Variants in PPP3CC observed in about 807,000 individuals in gnomAD.
PPP3CC encodes serine/threonine-protein phosphatase 2B catalytic subunit gamma isoform.
Under a neutral mutation model 60.3 loss-of-function variants are expected in PPP3CC, and 35 were observed. The observed-to-expected ratio is 0.58, with a 90% CI of 0.44 to 0.77. PPP3CC has a LOEUF of 0.77. PPP3CC is among the 30% of genes least tolerant of loss of function. The probability of loss-of-function intolerance (pLI) is 0.00; values close to 1 mark genes in which losing one functional copy is unlikely to be tolerated. For missense variants in PPP3CC, 570 were observed against 628.9 expected, an observed-to-expected ratio of 0.91 and a Z score of 1.00; for synonymous variants, 206 against 224.3, an observed-to-expected ratio of 0.92 and a Z score of 0.73.
chr8:22,500,261 G>T (rs1428418954), intron 4 of PPP3CC, among the ~76,000 whole-genome samples: 1 of 152,034 alleles, frequency 6.6e-6, no homozygotes, highest in African/African-American at 2.4e-5. Flanking sequence ...TAAAATTTTA[G>T]CATATTCTCT....
chr8:22,459,511 A>T (rs1351366598), intron 1 of PPP3CC, among the ~76,000 whole-genome samples: 1 of 151,744 alleles, frequency 6.6e-6, no homozygotes, highest in Non-Finnish European at 1.5e-5. Context: ...TTTATCTAGA[A>T]TTGTGTAAAA....
intron 1 of PPP3CC, among the ~76,000 whole-genome samples, chr8:22,458,476 T>C (rs980107006): frequency 1.3e-5 from 2 of 151,896 alleles, no homozygotes; most frequent in Non-Finnish European, 2.9e-5. Context: ...TTCTCAACTG[T>C]AATCCTAGCT....
At chr8:22,485,608 A>G (rs1452001111) in intron 3 of PPP3CC, among the ~76,000 whole-genome samples, 2 of 152,192 alleles carry the variant, frequency 1.3e-5, no homozygotes, top group Admixed American at 6.5e-5. Flanking sequence ...ACCTTGTACT[A>G]TAGTTCCAAT....
chr8:22,467,075 T>C (rs1369646027), intron 1 of PPP3CC, among the ~76,000 whole-genome samples: 2 of 152,256 alleles, frequency 1.3e-5, no homozygotes, highest in Admixed American at 1.3e-4. Flanking sequence ...AAATAAAATG[T>C]GCTACAGACA....
intron 1 of PPP3CC, among the ~76,000 whole-genome samples, chr8:22,472,975 A>G (rs1354256478): frequency 6.6e-6 from 1 of 152,182 alleles, no homozygotes; most frequent in Non-Finnish European, 1.5e-5. Flanking sequence ...TGACCAAAAC[A>G]TCATTTTGTG....
chr8:22,523,007 T>C (rs1204061260), intron 8 of PPP3CC, among the ~76,000 whole-genome samples: 2 of 152,178 alleles, frequency 1.3e-5, no homozygotes, highest in Non-Finnish European at 2.9e-5. Flanking sequence ...AGAATCAAAG[T>C]ATAAGAAGAA....
At chr8:22,453,086 C>T (rs1586786375) in intron 1 of PPP3CC, among the ~76,000 whole-genome samples, 1 of 152,098 alleles carries the variant, frequency 6.6e-6, no homozygotes, top group Non-Finnish European at 1.5e-5. Flanking sequence ...AGCCGTGTGG[C>T]CTTTGAGCTT....
intron 1 of PPP3CC, among the ~76,000 whole-genome samples, chr8:22,444,863 C>T (rs867619697): frequency 6.6e-6 from 1 of 151,808 alleles, no homozygotes; most frequent in South Asian, 2.1e-4. Context: ...ATTTTTTTTT[C>T]TAGTTTCCAC....
At chr8:22,531,304 C>T (rs1433596683) in intron 10 of PPP3CC, 3 of 1,531,572 alleles carry the variant, frequency 2.0e-6, no homozygotes, top group Non-Finnish European at 2.6e-6. Flanking sequence ...CCCTGAAGAT[C>T]ACTACATTCC....
At chr8:22,453,562 G>A (rs1299278953) in intron 1 of PPP3CC, among the ~76,000 whole-genome samples, 1 of 152,174 alleles carries the variant, frequency 6.6e-6, no homozygotes, top group African/African-American at 2.4e-5. Context: ...TTTGCAGGAT[G>A]GGGTTTTGCA....
chr8:22,448,749 T>G (rs1323070219), intron 1 of PPP3CC, among the ~76,000 whole-genome samples: 1 of 152,156 alleles, frequency 6.6e-6, no homozygotes, highest in Non-Finnish European at 1.5e-5. Context: ...ATCTTATTTT[T>G]AGGCAATACC....
chr8:22,449,900 G>T (rs908768175), intron 1 of PPP3CC, among the ~76,000 whole-genome samples: 8 of 143,322 alleles, frequency 5.6e-5, no homozygotes, highest in Middle Eastern at 7.6e-3. Context: ...ACAGAGTCTC[G>T]CTGTCGCCCG....
At chr8:22,481,345 A>T (rs200941309) in intron 3 of PPP3CC, among the ~76,000 whole-genome samples, 2 of 144,004 alleles carry the variant, frequency 1.4e-5, no homozygotes, top group African/African-American at 5.1e-5. Context: ...CAAGAAAAAT[A>T]AATAATAATA....
intron 13 of PPP3CC, among the ~76,000 whole-genome samples, chr8:22,540,270 T>C (rs1010160273): frequency 2.0e-5 from 3 of 152,180 alleles, no homozygotes; most frequent in Non-Finnish European, 4.4e-5. Flanking sequence ...TGTTCTAGCA[T>C]TGAGTATGTT....
intron 4 of PPP3CC, among the ~76,000 whole-genome samples, chr8:22,498,527 C>A (rs1292740042): frequency 6.6e-6 from 1 of 152,052 alleles, no homozygotes; most frequent in Non-Finnish European, 1.5e-5. Flanking sequence ...ATATGGTCTT[C>A]CATTCTTTTT....
chr8:22,534,118 G>C (rs1185482439), intron 12 of PPP3CC, among the ~76,000 whole-genome samples: 1 of 147,488 alleles, frequency 6.8e-6, no homozygotes, highest in African/African-American at 2.5e-5. Context: ...AGAATCACTG[G>C]AACCCGGGAG....
intron 4 of PPP3CC, among the ~76,000 whole-genome samples, chr8:22,509,738 G>C (rs935919454): frequency 2.0e-5 from 3 of 152,158 alleles, no homozygotes; most frequent in Non-Finnish European, 2.9e-5. Flanking sequence ...GGCTCACTCT[G>C]TTGCTCAGGC....
chr8:22,500,941 C>A (rs1838743720), intron 4 of PPP3CC, among the ~76,000 whole-genome samples: 3 of 151,980 alleles, frequency 2.0e-5, no homozygotes, highest in Admixed American at 6.6e-5. Flanking sequence ...ATCACTTGAG[C>A]CCAAGAGTTC....
intron 10 of PPP3CC, chr8:22,531,398 TA>T (rs1299082851): frequency 7.2e-7 from 1 of 1,386,040 alleles, no homozygotes; most frequent in East Asian, 2.5e-5. Flanking sequence ...TGGTTAGACT[TA>T]AAATTGGTAG....
Sources: gnomAD v4.1 joint callset for allele counts (sites outside exome capture counted in the v4.1 genomes callset) on GRCh38, gnomAD v4.1.1 for gene constraint, MANE v1.5 for transcripts, NCBI Gene and HGNC (gene_info 2026-07-23, HGNC 2026-07-21) for gene names.